The following DGKB variants were observed in gnomAD, a reference collection of about 807,000 sequenced individuals.
DGKB encodes diacylglycerol kinase beta, also known as 90 kDa diacylglycerol kinase.
In DGKB, 67 loss-of-function variants were observed where a neutral mutation model predicts 114.3. That is an observed-to-expected ratio of 0.59 (90% CI 0.48 to 0.72). The LOEUF is 0.72. DGKB is among the 30% of genes least tolerant of loss of function. The pLI is 0.00. For synonymous variants in DGKB, 398 were observed against 323.1 expected (o/e 1.23, Z -2.49); for missense variants, 907 against 975.2 (o/e 0.93, Z 0.93).
At position 14,682,110 on chromosome 7, in the gene DGKB, T is replaced by C. The variant is rs189353359; in HGVS notation, c.1035+443A>G. ...TAAATCATTGAAGCTCATTGTTCAT[T>C]TTTCTAACCCTTTTAAGCCCATAGA... On this transcript the variant is annotated intron_variant, in intron 12 of 25. Coordinates refer to ENST00000402815, the MANE Select transcript of DGKB (RefSeq NM_001350709.2). Among the ~76,000 whole-genome samples the C allele has an allele frequency of 5.3e-5, 8 of 152,224 alleles. No homozygotes were observed. In the East Asian group the frequency reaches 1.5e-3, roughly 29 times the overall value.
At position 14,648,002 on chromosome 7, in the gene DGKB, G is replaced by A. The variant is rs1269693841; in HGVS notation, c.1135-17734C>T. 2.0e-4 allele frequency among the ~76,000 whole-genome samples: 30 copies of A among 152,230 alleles called. 1 individual carries two copies. The highest frequency in any genetic ancestry group is 2.4e-4 in the Non-Finnish European group (16 of 68,046). ...CTGGCTCAGAGGGTCCTACGCCCAC[G>A]GAGTCTCGCTGATTGCTAGCACAGC... On this transcript the variant is annotated intron_variant, in intron 13 of 25. Transcript: ENST00000402815.
At chr7:14,492,663 A>G (rs908283754) in intron 20 of DGKB, among the ~76,000 whole-genome samples, 4 of 152,084 alleles carry the variant, frequency 2.6e-5, no homozygotes, top group Non-Finnish European at 4.4e-5. Flanking sequence ...TCTAGACCTG[A>G]TGTATTTCTA....
chr7:14,213,588 G>A (rs1004343187), intron 23 of DGKB, among the ~76,000 whole-genome samples: 3 of 152,140 alleles, frequency 2.0e-5, no homozygotes, highest in Non-Finnish European at 4.4e-5. Context: ...CCTAAGCTTG[G>A]AGTTCTTCTC....
chr7:14,816,809 C>G (rs1186009167), intron 2 of DGKB, among the ~76,000 whole-genome samples: 1 of 152,034 alleles, frequency 6.6e-6, no homozygotes. Flanking sequence ...ACCTGTGAAC[C>G]AACATATGCT....
intron 23 of DGKB, among the ~76,000 whole-genome samples, chr7:14,239,550 A>T (rs149161345): frequency 1.1e-3 from 171 of 152,132 alleles, no homozygotes; most frequent in African/African-American, 4.0e-3. Flanking sequence ...GTGATTACTC[A>T]TTCATTATGT....
chr7:14,769,224 G>GAA (rs1836998986), intron 2 of DGKB, among the ~76,000 whole-genome samples: 4 of 102,958 alleles, frequency 3.9e-5, no homozygotes, highest in Admixed American at 2.1e-4. Flanking sequence ...AAGAGAAAGA[G>GAA]AGAGAGAAAG....
At chr7:14,269,583 G>A (rs1219950579) in intron 23 of DGKB, among the ~76,000 whole-genome samples, 1 of 152,102 alleles carries the variant, frequency 6.6e-6, no homozygotes, top group Admixed American at 6.6e-5. Flanking sequence ...AGTCTTACAA[G>A]AATCAAATAT....
chr7:14,821,098 T>A (rs1484761181), intron 2 of DGKB, among the ~76,000 whole-genome samples: 1 of 152,138 alleles, frequency 6.6e-6, no homozygotes, highest in Non-Finnish European at 1.5e-5. Flanking sequence ...TTTAAGTCAA[T>A]AACATACCTT....
At chr7:14,378,115 T>C (rs1424447526) in intron 21 of DGKB, among the ~76,000 whole-genome samples, 1 of 152,180 alleles carries the variant, frequency 6.6e-6, no homozygotes, top group Admixed American at 6.5e-5. Context: ...GAGCCAAAAT[T>C]GTTACATTTC....
chr7:14,738,447 G>A (rs941685579), intron 4 of DGKB, among the ~76,000 whole-genome samples: 8 of 152,170 alleles, frequency 5.3e-5, no homozygotes, highest in African/African-American at 1.9e-4. Flanking sequence ...CACAAGCTGT[G>A]TCACTGTGGA....
chr7:14,468,618 A>C (rs1043265810), intron 21 of DGKB, among the ~76,000 whole-genome samples: 2 of 151,480 alleles, frequency 1.3e-5, no homozygotes, highest in Non-Finnish European at 2.9e-5. Flanking sequence ...GGAACAATAA[A>C]TAATTTTCTT....
intron 23 of DGKB, among the ~76,000 whole-genome samples, chr7:14,314,948 A>T (rs1255829945): frequency 6.6e-6 from 1 of 151,736 alleles, no homozygotes; most frequent in Non-Finnish European, 1.5e-5. Context: ...CAGAAACCCT[A>T]CAAGCCAGAA....
upstream of DGKB, among the ~76,000 whole-genome samples, chr7:14,905,966 G>T (rs1458260602): frequency 6.6e-6 from 1 of 152,096 alleles, no homozygotes; most frequent in African/African-American, 2.4e-5. Context: ...ACTTCTCAGG[G>T]TCTCTAAGTG....
chr7:14,551,449 C>T (rs1484890764), intron 20 of DGKB, among the ~76,000 whole-genome samples: 1 of 152,116 alleles, frequency 6.6e-6, no homozygotes, highest in African/African-American at 2.4e-5. Flanking sequence ...ATTCTTATTG[C>T]CTTGCTTGTT....
At chr7:14,960,496 T>G (rs1786778534) in intron 1 of DGKB, among the ~76,000 whole-genome samples, 2 of 152,194 alleles carry the variant, frequency 1.3e-5, no homozygotes, top group Non-Finnish European at 2.9e-5. Context: ...TTAAATAAAA[T>G]ATATTTTGAA....
intron 21 of DGKB, among the ~76,000 whole-genome samples, chr7:14,375,713 T>A (rs973817192): frequency 1.3e-5 from 2 of 152,206 alleles, no homozygotes; most frequent in Non-Finnish European, 2.9e-5. Flanking sequence ...CCTGCTTTGC[T>A]TTCTTCGATA....
chr7:14,684,348 CACA>C (rs1205186937), intron 10 of DGKB, among the ~76,000 whole-genome samples: 1 of 151,986 alleles, frequency 6.6e-6, no homozygotes, highest in East Asian at 1.9e-4. Context: ...TAATGAAATG[CACA>C]ACAATGGAAT....
chr7:14,493,111 G>T (rs993076080), intron 20 of DGKB, among the ~76,000 whole-genome samples: 3 of 152,068 alleles, frequency 2.0e-5, no homozygotes, highest in Non-Finnish European at 4.4e-5. Flanking sequence ...AGTATATGTG[G>T]TCAATTATGT....
intron 25 of DGKB, among the ~76,000 whole-genome samples, chr7:14,161,178 G>T (rs191481206): frequency 6.6e-6 from 1 of 152,156 alleles, no homozygotes; most frequent in Non-Finnish European, 1.5e-5. Context: ...TGCTGGAGAG[G>T]ATATGGAGAA....
Sources: allele counts gnomAD v4.1 joint callset (sites outside exome capture counted in the v4.1 genomes callset), GRCh38; gene constraint gnomAD v4.1.1; transcripts MANE v1.5; gene names NCBI Gene and HGNC (gene_info 2026-07-23, HGNC 2026-07-21).